Variants in CSF1R observed in about 807,000 individuals in gnomAD.
The protein encoded by CSF1R is colony stimulating factor 1 receptor, also known as macrophage colony-stimulating factor 1 receptor.
CSF1R carries 40 observed loss-of-function variants against 110.0 expected under a neutral mutation model. That is an observed-to-expected ratio of 0.36 (90% CI 0.28 to 0.47). The LOEUF is 0.47. Ranked by LOEUF, CSF1R falls within the 20% of genes least tolerant of loss-of-function variation. The probability of loss-of-function intolerance (pLI) is 0.99; values close to 1 mark genes in which losing one functional copy is unlikely to be tolerated. For missense variants in CSF1R, 1,052 were observed against 1,253.0 expected (o/e 0.84, Z 2.42); for synonymous variants, 523 against 503.4 (o/e 1.04, Z -0.52).
At chr5:150,058,640 G>A (rs1040542619) in intron 14 of CSF1R, among the ~76,000 whole-genome samples, 5 of 152,148 alleles carry the variant, frequency 3.3e-5, no homozygotes, top group African/African-American at 1.2e-4. Flanking sequence ...CCTAGTGTGT[G>A]CCACCCTCAT....
At chr5:150,097,498 G>C (rs573671276) in intron 1 of CSF1R, among the ~76,000 whole-genome samples, 3 of 152,276 alleles carry the variant, frequency 2.0e-5, no homozygotes, top group African/African-American at 7.2e-5. Context: ...AATGGTCTCT[G>C]TTTGGAGATG....
At chr5:150,112,613 TC>T (rs1175708352) in intron 1 of CSF1R, among the ~76,000 whole-genome samples, 1 of 152,250 alleles carries the variant, frequency 6.6e-6, no homozygotes, top group Non-Finnish European at 1.5e-5. Flanking sequence ...ACAAGGCAGA[TC>T]CGGGTATCAC....
chr5:150,085,543 C>T (rs762751565), intron 1 of CSF1R, among the ~76,000 whole-genome samples: 14 of 152,208 alleles, frequency 9.2e-5, no homozygotes, highest in Non-Finnish European at 1.8e-4. Flanking sequence ...GTCATGTTCC[C>T]TCCCAGATGG....
chr5:150,085,256 CAGAG>C (rs1256695359), intron 1 of CSF1R, among the ~76,000 whole-genome samples: 1 of 125,130 alleles, frequency 8.0e-6, no homozygotes, highest in Admixed American at 8.6e-5. Context: ...AGCCTGGTGA[CAGAG>C]AGAGACTCTG....
At chr5:150,093,597 A>G (rs779775337) in intron 1 of CSF1R, among the ~76,000 whole-genome samples, 6 of 152,244 alleles carry the variant, frequency 3.9e-5, no homozygotes, top group Non-Finnish European at 8.8e-5. Context: ...AAGAAAGAAG[A>G]CCAGATAGAA....
At chr5:150,084,409 A>AGGAC (rs1320845383) in intron 1 of CSF1R, among the ~76,000 whole-genome samples, 3 of 61,446 alleles carry the variant, frequency 4.9e-5, no homozygotes, top group African/African-American at 2.1e-4. Context: ...GAAGGAAGGA[A>AGGAC]GGAAGGAAGG....
Position 150,053,908 on chromosome 5 carries a change from G to C in CSF1R, c.*161C>G, listed in dbSNP as rs1757047596. On this transcript the variant is annotated 3_prime_UTR_variant, in exon 21 of 21. Coordinates refer to ENST00000675795, the MANE Select transcript of CSF1R (RefSeq NM_001288705.3). ...CCATGCTCAGGAAGTGGGATCCTCT[G>C]ACCTCCCCTGAATCCCTCACCTTCC... The C allele has an allele frequency of 5.5e-6, 4 of 726,936 alleles. No homozygotes were observed. The highest frequency in any genetic ancestry group is 5.3e-5 in the South Asian group (3 of 56,612). 45.0% of individuals were successfully genotyped at this position (726,936 alleles called of 1,614,324 possible). A position where few individuals can be genotyped will look rare whatever the true frequency, so the allele number is the denominator to read the frequency against.
chr5:150,081,381 C>T (rs928473788), intron 1 of CSF1R, among the ~76,000 whole-genome samples: 1 of 152,038 alleles, frequency 6.6e-6, no homozygotes, highest in South Asian at 2.1e-4. Flanking sequence ...ACCCTGTGTA[C>T]AAAGTGGACG....
chr5:150,101,924 C>T (rs1759417279), intron 1 of CSF1R, among the ~76,000 whole-genome samples: 1 of 152,136 alleles, frequency 6.6e-6, no homozygotes, highest in African/African-American at 2.4e-5. Flanking sequence ...AATCATTCAA[C>T]ACATCTTAGA....
chr5:150,092,136 A>G (rs1210947631), intron 1 of CSF1R, among the ~76,000 whole-genome samples: 1 of 152,270 alleles, frequency 6.6e-6, no homozygotes, highest in Non-Finnish European at 1.5e-5. Context: ...ATTGCAGTGC[A>G]AAAGCAGCCA....
At chr5:150,080,020 G>A in intron 3 of CSF1R, 32 bp downstream of exon 3, 1 of 1,600,136 alleles carries the variant, frequency 6.2e-7, no homozygotes, top group South Asian at 1.1e-5. Flanking sequence ...CCACTCTTCA[G>A]GCCTGGCTGC....
chr5:150,106,287 A>G (rs2113868439), intron 1 of CSF1R, among the ~76,000 whole-genome samples: 1 of 152,284 alleles, frequency 6.6e-6, no homozygotes, highest in African/African-American at 2.4e-5. Flanking sequence ...AAGGATTAGG[A>G]AACTCTGAAG....
intron 1 of CSF1R, among the ~76,000 whole-genome samples, chr5:150,107,751 C>T (rs1759596457): frequency 6.6e-6 from 1 of 152,268 alleles, no homozygotes. Context: ...CTCCTAACCA[C>T]AGCCAGGTCC....
In CSF1R at chr5:150,057,260, A is replaced by G. The variant is rs768790029; in HGVS notation, c.2319+27T>C. 134 of 1,602,806 alleles carry G rather than the reference A, an allele frequency of 8.4e-5. 1 individual carries two copies. In the Admixed American group the frequency reaches 2.1e-3, roughly 25 times the overall value. Reference sequence around the variant, plus strand: ...CCCCGGAGCACAGACCTGGGTGGCTATGAGCCAGGGCCAGGTTCCTACTCA... The same window carrying G: ...CCCCGGAGCACAGACCTGGGTGGCTGTGAGCCAGGGCCAGGTTCCTACTCA... On this transcript the variant is annotated intron_variant, in intron 16 of 20. Coordinates refer to ENST00000675795, the MANE Select transcript of CSF1R (RefSeq NM_001288705.3).
At chr5:150,067,790 T>C (rs765075723) in intron 10 of CSF1R, among the ~76,000 whole-genome samples, 1 of 152,180 alleles carries the variant, frequency 6.6e-6, no homozygotes, top group Non-Finnish European at 1.5e-5. Context: ...AGGGCTGCGC[T>C]GCCTCAGAAT....
At chr5:150,065,191 G>A (rs545596403) in intron 10 of CSF1R, among the ~76,000 whole-genome samples, 9 of 152,216 alleles carry the variant, frequency 5.9e-5, no homozygotes, top group South Asian at 2.1e-4. Context: ...ACAAAGTCCC[G>A]GTCCCCTCCC....
Position 150,069,904 on chromosome 5 carries a change from A to C in CSF1R, c.1479T>G (p.Ser493Arg), listed in dbSNP as rs776553377. The C allele has an allele frequency of 6.8e-6, 11 of 1,612,710 alleles. No homozygotes were observed. In the African/African-American group the frequency reaches 9.4e-5, roughly 14 times the overall value. Residue 493 changes from serine (S) to arginine (R), a missense_variant, in exon 9 of 21, where the codon AGT (serine) becomes AGG (arginine). Around this residue, in one of 5 missense-constraint regions of CSF1R, gnomAD observed 693 missense variants for 735.4 expected, o/e 0.94. Transcript: ENST00000675795. ...AGATGGGTATGAAGGCCCAGGAGCC[A>C]CTCCCCACGCTGTTGTGGGCCCTGC... ...YECRAHNSVG[S>R]GSWAFIPISA...
intron 1 of CSF1R, among the ~76,000 whole-genome samples, chr5:150,099,752 G>A (rs1759342818): frequency 1.3e-5 from 2 of 149,938 alleles, no homozygotes; most frequent in African/African-American, 4.9e-5. Context: ...GGGGGGTGGG[G>A]GGTTGGGGAA....
chr5:150,080,662 C>G, intron 2 of CSF1R, 105 bp downstream of exon 2: 3 of 1,411,688 alleles, frequency 2.1e-6, no homozygotes, highest in Non-Finnish European at 2.9e-6. Context: ...TCATAGCCAG[C>G]ACTCAGTAAA....
Sources: allele counts gnomAD v4.1 joint callset (sites outside exome capture counted in the v4.1 genomes callset), GRCh38; gene constraint gnomAD v4.1.1; regional missense constraint gnomAD v4.1.1; transcripts MANE v1.5; gene names NCBI Gene and HGNC (gene_info 2026-07-23, HGNC 2026-07-21).